Variants in NRXN1 observed in about 807,000 individuals in gnomAD.
The protein encoded by NRXN1 is neurexin-1.
Under a neutral mutation model 150.9 loss-of-function variants are expected in NRXN1, and 39 were observed. That is an observed-to-expected ratio of 0.26 (90% CI 0.20 to 0.34). The LOEUF (loss-of-function observed/expected upper bound fraction) is 0.34, where lower values mean the gene tolerates loss of function less well. NRXN1 is among the 10% of genes least tolerant of loss of function. NRXN1 has a pLI of 1.00. For missense variants in NRXN1, 1,815 were observed against 1,949.9 expected (o/e 0.93, Z 1.30); for synonymous variants, 924 against 757.0 (o/e 1.22, Z -3.62).
chr2:50,685,049 T>G (rs1042411486), intron 5 of NRXN1, among the ~76,000 whole-genome samples: 10 of 152,188 alleles, frequency 6.6e-5, no homozygotes, highest in Admixed American at 6.5e-5. Context: ...TTTCCAAACA[T>G]TATTATAAAT....
intron 5 of NRXN1, among the ~76,000 whole-genome samples, chr2:50,759,726 TTTTATGGATAGCA>T (rs1208141414): frequency 6.6e-6 from 1 of 151,868 alleles, no homozygotes; most frequent in Non-Finnish European, 1.5e-5. Context: ...TGCTATTCCA[TTTTATGGATAGCA>T]GTGGTGAGAA....
intron 21 of NRXN1, among the ~76,000 whole-genome samples, chr2:50,034,545 T>C (rs1432820658): frequency 6.6e-6 from 1 of 151,934 alleles, no homozygotes; most frequent in Admixed American, 6.6e-5. Flanking sequence ...TAATGGGTAT[T>C]AGGCTTAATA....
At chr2:50,705,160 T>G (rs890561989) in intron 5 of NRXN1, among the ~76,000 whole-genome samples, 1 of 152,018 alleles carries the variant, frequency 6.6e-6, no homozygotes, top group East Asian at 1.9e-4. Context: ...TGCTGATAAG[T>G]TGACATTTTG....
At chr2:50,274,926 A>C (rs2070239375) in intron 17 of NRXN1, among the ~76,000 whole-genome samples, 1 of 152,146 alleles carries the variant, frequency 6.6e-6, no homozygotes, top group Non-Finnish European at 1.5e-5. Context: ...TGTATACTTA[A>C]CTCACATTAG....
chr2:49,984,898 T>A (rs1272360207), intron 21 of NRXN1, among the ~76,000 whole-genome samples: 1 of 152,214 alleles, frequency 6.6e-6, no homozygotes, highest in Admixed American at 6.6e-5. Flanking sequence ...ATTTGGTGAC[T>A]TGGTACAAAC....
intron 5 of NRXN1, among the ~76,000 whole-genome samples, chr2:50,679,596 A>T (rs1409196690): frequency 6.6e-6 from 1 of 152,158 alleles, no homozygotes; most frequent in Admixed American, 6.6e-5. Context: ...TGGATCATTG[A>T]TGACAGTAAG....
At chr2:50,142,026 C>A (rs572357115) in intron 18 of NRXN1, among the ~76,000 whole-genome samples, 2 of 152,088 alleles carry the variant, frequency 1.3e-5, no homozygotes, top group East Asian at 3.9e-4. Flanking sequence ...CAGTAATATT[C>A]ACAATAGCAA....
At chr2:50,746,018 T>C (rs1206221813) in intron 5 of NRXN1, among the ~76,000 whole-genome samples, 1 of 152,174 alleles carries the variant, frequency 6.6e-6, no homozygotes, top group Non-Finnish European at 1.5e-5. Flanking sequence ...GTTCAGATCA[T>C]AGCAGCATCT....
At chr2:50,203,330 G>C (rs922200975) in intron 18 of NRXN1, among the ~76,000 whole-genome samples, 2 of 152,146 alleles carry the variant, frequency 1.3e-5, no homozygotes, top group African/African-American at 4.8e-5. Context: ...AAAACCAACA[G>C]TCAAATGAGC....
At chr2:50,320,009 G>A (rs2075896686) in intron 17 of NRXN1, among the ~76,000 whole-genome samples, 1 of 151,686 alleles carries the variant, frequency 6.6e-6, no homozygotes, top group African/African-American at 2.4e-5. Context: ...AGGTACACAG[G>A]TAAAGGACAG....
chr2:50,118,120 T>C (rs957701354), intron 18 of NRXN1, among the ~76,000 whole-genome samples: 1 of 152,200 alleles, frequency 6.6e-6, no homozygotes, highest in African/African-American at 2.4e-5. Context: ...GATCTTAACG[T>C]TGTACTTAAC....
At chr2:50,555,060 G>A (rs1442226891) in intron 8 of NRXN1, among the ~76,000 whole-genome samples, 1 of 152,146 alleles carries the variant, frequency 6.6e-6, no homozygotes, top group Non-Finnish European at 1.5e-5. Context: ...TTTCAAGGAT[G>A]ATTTTCCAAG....
intron 17 of NRXN1, among the ~76,000 whole-genome samples, chr2:50,238,791 G>T (rs192067888): frequency 2.0e-5 from 3 of 152,002 alleles, no homozygotes; most frequent in East Asian, 1.9e-4. Flanking sequence ...TATGCCTATT[G>T]TACCTGATGC....
intron 8 of NRXN1, among the ~76,000 whole-genome samples, chr2:50,571,786 G>A (rs1382173700): frequency 6.6e-6 from 1 of 152,028 alleles, no homozygotes; most frequent in Non-Finnish European, 1.5e-5. Context: ...ACAGAGAAAA[G>A]AAAACCATTC....
intron 21 of NRXN1, among the ~76,000 whole-genome samples, chr2:50,044,711 A>G (rs2152601090): frequency 6.6e-6 from 1 of 152,294 alleles, no homozygotes; most frequent in African/African-American, 2.4e-5. Context: ...TTCACTAGTA[A>G]TCTAAGGTGT....
Position 50,324,989 on chromosome 2 carries a change from A to G in NRXN1, c.3365-88019T>C, listed in dbSNP as rs115811889. Among the ~76,000 whole-genome samples the G allele has an allele frequency of 5.7e-3, 874 of 152,302 alleles. 11 individuals carry two copies. Among genetic ancestry groups the G allele is most frequent in the African/African-American group, 0.02 (838 of 41,552 alleles). On this transcript the variant is annotated intron_variant, in intron 17 of 22. Transcript: ENST00000401669. ...GCACTACCCAGAATTTCAGGTGGAA[A>G]AAGCCCACCATGGGTTTAAAAATCT...
At chr2:50,044,423 T>C (rs1573581034) in intron 21 of NRXN1, among the ~76,000 whole-genome samples, 1 of 152,116 alleles carries the variant, frequency 6.6e-6, no homozygotes, top group Non-Finnish European at 1.5e-5. Context: ...TTTCCGCAAA[T>C]GCAACTTAGA....
chr2:50,598,624 G>T (rs1450172375), intron 8 of NRXN1, among the ~76,000 whole-genome samples: 1 of 143,306 alleles, frequency 7.0e-6, no homozygotes, highest in African/African-American at 2.6e-5. Context: ...ATATATACAT[G>T]TATATATGTA....
At chr2:51,019,096 C>A (rs1360866984) in intron 2 of NRXN1, among the ~76,000 whole-genome samples, 1 of 152,024 alleles carries the variant, frequency 6.6e-6, no homozygotes, top group Non-Finnish European at 1.5e-5. Context: ...ATAGTACCAA[C>A]CTGAAAACTA....
Sources: gnomAD v4.1 joint callset for allele counts (sites outside exome capture counted in the v4.1 genomes callset) on GRCh38, gnomAD v4.1.1 for gene constraint, MANE v1.5 for transcripts, NCBI Gene and HGNC (gene_info 2026-07-23, HGNC 2026-07-21) for gene names.